The following CCDC171 variants were observed in gnomAD, a reference collection of about 807,000 sequenced individuals.
CCDC171 encodes coiled-coil domain containing 171, also known as coiled-coil domain-containing protein 171.
Under a neutral mutation model 168.2 loss-of-function variants are expected in CCDC171, and 177 were observed. The ratio of observed to expected loss-of-function variants is 1.05; its 90% CI spans 0.93 to 1.19. CCDC171 has a LOEUF of 1.19. Ranked by LOEUF, CCDC171 falls within the 50% of genes most tolerant of loss-of-function variation. CCDC171 has a pLI of 0.00. For missense variants in CCDC171, 1,991 were observed against 1,539.0 expected, an observed-to-expected ratio of 1.29 and a Z score of -4.91; for synonymous variants, 687 against 540.8, an observed-to-expected ratio of 1.27 and a Z score of -3.75.
intron 3 of CCDC171, among the ~76,000 whole-genome samples, chr9:15,996,653 A>G (rs1450903439): frequency 3.9e-5 from 6 of 152,098 alleles, no homozygotes; most frequent in African/African-American, 1.4e-4. Flanking sequence ...AGGTTGTATA[A>G]CAATGTTTAG....
intron 24 of CCDC171, among the ~76,000 whole-genome samples, chr9:15,904,397 C>T (rs1405375712): frequency 2.0e-5 from 3 of 152,026 alleles, no homozygotes; most frequent in Non-Finnish European, 4.4e-5. Flanking sequence ...AATTTTCAAC[C>T]CAGAATTTCT....
intron 16 of CCDC171, among the ~76,000 whole-genome samples, chr9:15,739,085 A>G (rs1564316934): frequency 6.6e-6 from 1 of 152,198 alleles, no homozygotes; most frequent in African/African-American, 2.4e-5. Context: ...TGAAATAAAT[A>G]AGTAGTGTAG....
intron 10 of CCDC171, among the ~76,000 whole-genome samples, chr9:15,681,390 T>A (rs1352403401): frequency 6.6e-6 from 1 of 152,130 alleles, no homozygotes; most frequent in African/African-American, 2.4e-5. Context: ...TTTTTTCATC[T>A]CTCTTAAACT....
At chr9:15,654,114 C>T (rs2047737925) in intron 7 of CCDC171, among the ~76,000 whole-genome samples, 1 of 151,760 alleles carries the variant, frequency 6.6e-6, no homozygotes, top group South Asian at 2.1e-4. Context: ...TTATAAATGT[C>T]AGATTTTATT....
chr9:15,777,604 A>G lies in CCDC171; in HGVS notation c.2676A>G (p.Pro892=). ...ELQDVIGKAD[P]NSRICGHLLI... ...TTTTTTTCTTTTTCTTTGAAGATCC[A>G]AATTCCAGAATTTGTGGACATTTAC... Residue 892 remains proline (P), a synonymous_variant, in exon 19 of 26, where the codon CCA becomes CCG. Coordinates refer to ENST00000380701, the MANE Select transcript of CCDC171 (RefSeq NM_173550.4). 4 of 1,600,526 alleles carry G rather than the reference A, an allele frequency of 2.5e-6. No individual in the cohort carries two copies. The highest frequency in any genetic ancestry group is 1.3e-5 in the African/African-American group (1 of 74,120).
intron 24 of CCDC171, chr9:15,886,200 G>C (rs1326260856): frequency 6.6e-6 from 1 of 152,140 alleles, no homozygotes; most frequent in Non-Finnish European, 1.5e-5. Flanking sequence ...AAGGCAACTT[G>C]TGGAATAGGA....
At chr9:15,653,624 T>A (rs2047698441) in intron 7 of CCDC171, among the ~76,000 whole-genome samples, 1 of 152,220 alleles carries the variant, frequency 6.6e-6, no homozygotes, top group South Asian at 2.1e-4. Flanking sequence ...TATCAGCTTA[T>A]GACCAATCTT....
intron 3 of CCDC171, among the ~76,000 whole-genome samples, chr9:16,005,209 A>G (rs1832661304): frequency 6.6e-6 from 1 of 152,226 alleles, no homozygotes; most frequent in Non-Finnish European, 1.5e-5. Flanking sequence ...TTCTATCTGT[A>G]TAGATTTAAC....
intron 11 of CCDC171, among the ~76,000 whole-genome samples, chr9:15,701,367 G>A (rs1224957376): frequency 6.6e-6 from 1 of 152,030 alleles, no homozygotes; most frequent in Non-Finnish European, 1.5e-5. Context: ...TAGTTTTGTA[G>A]TTTCAGGTCT....
intron 25 of CCDC171, among the ~76,000 whole-genome samples, chr9:15,950,173 A>C (rs1367188188): frequency 6.6e-6 from 1 of 152,144 alleles, no homozygotes; most frequent in Non-Finnish European, 1.5e-5. Context: ...AGTGACGGGG[A>C]GAATGGAACC....
At chr9:15,791,927 C>G (rs1328263453) in intron 21 of CCDC171, among the ~76,000 whole-genome samples, 2 of 152,308 alleles carry the variant, frequency 1.3e-5, no homozygotes, top group South Asian at 2.1e-4. Context: ...CTCTCCCCCT[C>G]CAGAGGAACG....
chr9:15,859,800 C>A (rs1242316636), intron 23 of CCDC171, among the ~76,000 whole-genome samples: 1 of 151,784 alleles, frequency 6.6e-6, no homozygotes, highest in Non-Finnish European at 1.5e-5. Flanking sequence ...GCTGTGACTA[C>A]AGGCATATGC....
intron 3 of CCDC171, among the ~76,000 whole-genome samples, chr9:16,004,751 A>G (rs1832648785): frequency 6.6e-6 from 1 of 152,168 alleles, no homozygotes; most frequent in Admixed American, 6.5e-5. Context: ...AAAGTTAGCA[A>G]AGGGTCTAAG....
intron 21 of CCDC171, among the ~76,000 whole-genome samples, chr9:15,815,018 C>A (rs2059511161): frequency 6.6e-6 from 1 of 152,180 alleles, no homozygotes; most frequent in Non-Finnish European, 1.5e-5. Context: ...CATTGGTCAA[C>A]TGAGACTGGC....
At chr9:15,619,035 C>G (rs958140449) in intron 6 of CCDC171, among the ~76,000 whole-genome samples, 4 of 152,118 alleles carry the variant, frequency 2.6e-5, no homozygotes, top group Middle Eastern at 3.2e-3. Flanking sequence ...TGAACCATGC[C>G]TGCATAAGGT....
At chr9:15,690,193 T>A (rs535034068) in intron 10 of CCDC171, among the ~76,000 whole-genome samples, 67 of 152,194 alleles carry the variant, frequency 4.4e-4, no homozygotes, top group Non-Finnish European at 7.1e-4. Flanking sequence ...ATCTAGATTG[T>A]GGATATGCTT....
At chr9:16,095,899 T>TATATATATATACAC in the CCDC171 span, among the ~76,000 whole-genome samples, 138 of 140,194 alleles carry the variant, frequency 9.8e-4, no homozygotes, top group African/African-American at 3.6e-3. Flanking sequence ...TATATATATA[T>TATATATATATACAC]ACTGCCTCCA....
chr9:15,957,344 G>T (rs1829901861), intron 25 of CCDC171, among the ~76,000 whole-genome samples: 1 of 152,170 alleles, frequency 6.6e-6, no homozygotes, highest in Non-Finnish European at 1.5e-5. Flanking sequence ...AGCCAGTCAA[G>T]TGTGGCTGAG....
rs201869909 is a variant in CCDC171, at chr9:15,948,001, C to G, written c.3754-23608C>G. Among the ~76,000 whole-genome samples the G allele has an allele frequency of 7.8e-4, 116 of 149,584 alleles. 2 individuals carry two copies. The highest frequency in any genetic ancestry group is 2.3e-3 in the African/African-American group (94 of 40,312). On this transcript the variant is annotated intron_variant, in intron 25 of 25. Transcript: ENST00000380701. ...TGCCCCCACCCCACAACAGTCCCCACAGTGTGATGTTCCCCTTCCTGTGTC... is the reference window on the plus strand; with the variant it reads ...TGCCCCCACCCCACAACAGTCCCCAGAGTGTGATGTTCCCCTTCCTGTGTC...
Sources: allele counts gnomAD v4.1 joint callset (sites outside exome capture counted in the v4.1 genomes callset), GRCh38; gene constraint gnomAD v4.1.1; transcripts MANE v1.5; gene names NCBI Gene and HGNC (gene_info 2026-07-23, HGNC 2026-07-21).